The following USP12 variants were observed in gnomAD, a reference collection of about 807,000 sequenced individuals.
The protein encoded by USP12 is ubiquitin specific peptidase 12, also known as ubiquitin carboxyl-terminal hydrolase 12.
A neutral mutation model predicts 45.5 loss-of-function variants in USP12; 19 were observed. The ratio of observed to expected loss-of-function variants is 0.42; its 90% CI spans 0.29 to 0.61. The LOEUF (loss-of-function observed/expected upper bound fraction) is 0.61, where lower values mean the gene tolerates loss of function less well. USP12 is among the 20% of genes least tolerant of loss of function. The pLI is 0.22. For missense variants in USP12, 242 were observed against 447.7 expected (o/e 0.54, Z 4.15); for synonymous variants, 149 against 148.8 (o/e 1.00, Z -0.01).
chr13:27,147,221 C>T (rs1877345477), intron 1 of USP12, among the ~76,000 whole-genome samples: 1 of 152,118 alleles, frequency 6.6e-6, no homozygotes, highest in Non-Finnish European at 1.5e-5. Flanking sequence ...GAGCCACTGC[C>T]TTTTTAAAGA....
At chr13:27,127,213 T>C (rs1876282445) in intron 1 of USP12, among the ~76,000 whole-genome samples, 1 of 152,230 alleles carries the variant, frequency 6.6e-6, no homozygotes, top group African/African-American at 2.4e-5. Flanking sequence ...AGTTAAAATG[T>C]GCACCATAAA....
chr13:27,160,662 A>G (rs1397928999), intron 1 of USP12, among the ~76,000 whole-genome samples: 1 of 152,174 alleles, frequency 6.6e-6, no homozygotes, highest in Non-Finnish European at 1.5e-5. Flanking sequence ...AAAAACCCTG[A>G]GCACATCAGT....
At chr13:27,106,712 T>A (rs568500) in intron 2 of USP12, among the ~76,000 whole-genome samples, 16,216 of 151,992 alleles carry the variant, frequency 0.11, 1,343 homozygotes, top group African/African-American at 0.23. Flanking sequence ...TTATTTTTTT[T>A]AAAAAAATGA....
At chr13:27,103,536 C>T (rs960348720) in intron 3 of USP12, among the ~76,000 whole-genome samples, 4 of 149,312 alleles carry the variant, frequency 2.7e-5, no homozygotes, top group African/African-American at 4.9e-5. Context: ...TATTTAAGAA[C>T]TCTATTGTGT....
chr13:27,106,395 C>T (rs1200805921), intron 2 of USP12, among the ~76,000 whole-genome samples: 3 of 108,090 alleles, frequency 2.8e-5, no homozygotes, highest in Non-Finnish European at 5.3e-5. Context: ...GTAATTGGGG[C>T]GAGACGGGGG....
At chr13:27,114,184 A>G (rs192601183) in intron 2 of USP12, among the ~76,000 whole-genome samples, 3 of 152,294 alleles carry the variant, frequency 2.0e-5, no homozygotes, top group Admixed American at 2.0e-4. Flanking sequence ...TGTATTAGAA[A>G]ATTAATAAAG....
At chr13:27,168,429 G>A (rs1392638059) in intron 1 of USP12, among the ~76,000 whole-genome samples, 1 of 152,100 alleles carries the variant, frequency 6.6e-6, no homozygotes, top group Non-Finnish European at 1.5e-5. Flanking sequence ...TGCCCATGAC[G>A]GACCACCCGG....
intron 1 of USP12, among the ~76,000 whole-genome samples, chr13:27,154,071 C>T (rs1424269410): frequency 6.6e-6 from 1 of 151,996 alleles, no homozygotes; most frequent in Middle Eastern, 3.2e-3. Flanking sequence ...GAAATATCCA[C>T]ATCTTTCCAC....
intron 4 of USP12, among the ~76,000 whole-genome samples, chr13:27,094,350 A>G: frequency 6.6e-6 from 1 of 152,118 alleles, no homozygotes; most frequent in East Asian, 1.9e-4. Flanking sequence ...AAAAGTTTAA[A>G]AACTAGCTGG....
chr13:27,152,758 C>T (rs753855643), intron 1 of USP12, among the ~76,000 whole-genome samples: 13 of 151,544 alleles, frequency 8.6e-5, no homozygotes, highest in Non-Finnish European at 1.9e-4. Context: ...CTGGTTAACA[C>T]GGTGAAACCC....
At chr13:27,133,906 AG>A (rs1401460075) in intron 1 of USP12, among the ~76,000 whole-genome samples, 1 of 152,238 alleles carries the variant, frequency 6.6e-6, no homozygotes, top group Non-Finnish European at 1.5e-5. Context: ...TCAAGGCAAT[AG>A]GATCACGTGA....
chr13:27,144,881 C>T (rs375955948), intron 1 of USP12, among the ~76,000 whole-genome samples: 123 of 150,508 alleles, frequency 8.2e-4, no homozygotes, highest in African/African-American at 2.9e-3. Flanking sequence ...GTAATAGGGC[C>T]AAATCCTGTC....
At chr13:27,083,420 T>G (rs1189179720) in intron 6 of USP12, among the ~76,000 whole-genome samples, 1 of 152,128 alleles carries the variant, frequency 6.6e-6, no homozygotes, top group Non-Finnish European at 1.5e-5. Flanking sequence ...TTCTGTTCTC[T>G]AAGACCTGAG....
intron 1 of USP12, among the ~76,000 whole-genome samples, chr13:27,137,842 T>C (rs770316088): frequency 2.0e-5 from 3 of 152,058 alleles, no homozygotes; most frequent in Non-Finnish European, 4.4e-5. Context: ...ACTTGCTCCC[T>C]GACTCCCTCA....
At chr13:27,169,245 G>A (rs1878478353) in intron 1 of USP12, 1 of 152,176 alleles carries the variant, frequency 6.6e-6, no homozygotes, top group Admixed American at 6.5e-5. Flanking sequence ...GGGATGGAGG[G>A]TCGGGTTGGA....
chr13:27,076,434 G>C (rs567864755), intron 6 of USP12, among the ~76,000 whole-genome samples: 4 of 152,208 alleles, frequency 2.6e-5, no homozygotes, highest in Non-Finnish European at 5.9e-5. Flanking sequence ...CAGCTCAAAT[G>C]TCACACCCTC....
At position 27,066,402 on chromosome 13, in the gene USP12, A is replaced by G. The variant is rs188576803; in HGVS notation, c.*2881T>C. 6.6e-6 allele frequency: 1 copy of G among 152,354 alleles called. No homozygotes were observed. The highest frequency in any genetic ancestry group is 6.5e-5 in the Admixed American group (1 of 15,310). 9.4% of individuals were successfully genotyped at this position (152,354 alleles called of 1,614,324 possible). ...CGCTTTAGCCTCCCAGCTCCCAGCC[A>G]AATACCTCATGATAGAATCTTTAAT... On this transcript the variant is annotated 3_prime_UTR_variant, in exon 9 of 9. Coordinates refer to ENST00000282344, the MANE Select transcript of USP12 (RefSeq NM_182488.4).
intron 2 of USP12, among the ~76,000 whole-genome samples, chr13:27,114,128 C>A (rs1875599665): frequency 6.6e-6 from 1 of 152,026 alleles, no homozygotes; most frequent in Non-Finnish European, 1.5e-5. Flanking sequence ...AGTACCCTCA[C>A]AAATGGACTT....
At chr13:27,159,464 A>G (rs1878004534) in intron 1 of USP12, among the ~76,000 whole-genome samples, 1 of 152,302 alleles carries the variant, frequency 6.6e-6, no homozygotes, top group Admixed American at 6.5e-5. Flanking sequence ...GTGTTCTATC[A>G]TTAAATTTCA....
Sources: allele counts gnomAD v4.1 joint callset (sites outside exome capture counted in the v4.1 genomes callset), GRCh38; gene constraint gnomAD v4.1.1; transcripts MANE v1.5; gene names NCBI Gene and HGNC (gene_info 2026-07-23, HGNC 2026-07-21).